KRT72: variants seen among roughly 807,000 people sequenced by gnomAD.
KRT72 encodes keratin, type II cytoskeletal 72.
A neutral mutation model predicts 44.7 loss-of-function variants in KRT72; 44 were observed. The observed-to-expected ratio is 0.98, with a 90% confidence interval of 0.77 to 1.27. The LOEUF (loss-of-function observed/expected upper bound fraction) is 1.27. Among genes scored for constraint, KRT72 ranks in the 50% most tolerant of loss-of-function variants. The pLI is 0.00. For synonymous variants in KRT72, 302 were observed against 280.4 expected (o/e 1.08, Z -0.77); for missense variants, 736 against 667.1 (o/e 1.10, Z -1.14).
At chr12:52,591,004 T>A (rs756522849) in intron 5 of KRT72, 43 bp from the exon 6 acceptor site, 1 of 1,545,656 alleles carries the variant, frequency 6.5e-7, no homozygotes, top group East Asian at 2.3e-5. Flanking sequence ...AGGATCCTAC[T>A]GAACTAGGGC....
At chr12:52,597,435 G>C (rs1940261614) in intron 2 of KRT72, among the ~76,000 whole-genome samples, 1 of 152,102 alleles carries the variant, frequency 6.6e-6, no homozygotes, top group African/African-American at 2.4e-5. Context: ...AGGACCCACA[G>C]GTGGAAGAGA....
intron 2 of KRT72, among the ~76,000 whole-genome samples, chr12:52,597,747 C>T (rs1282358396): frequency 2.0e-5 from 3 of 152,210 alleles, no homozygotes; most frequent in African/African-American, 7.2e-5. Flanking sequence ...CTTTTCAAAG[C>T]TGCTAATACA....
In KRT72 at chr12:52,585,824, G is replaced by T; in HGVS notation, c.*158C>A. ...AGCTCCTGACTGGACTCCTTGCATC[G>T]AAGCATCACACCTTGAGGACAACAG... is the stretch of plus-strand genomic sequence containing the variant. On this transcript the variant is annotated 3_prime_UTR_variant, in exon 9 of 9. Coordinates refer to ENST00000293745, the MANE Select transcript of KRT72 (RefSeq NM_080747.3). The T allele has an allele frequency of 1.4e-6, 1 of 691,102 alleles. No homozygotes were observed. 42.8% of individuals were successfully genotyped at this position (691,102 alleles called of 1,614,324 possible).
chr12:52,591,366 A>G, intron 5 of KRT72, 98 bp downstream of exon 5: 1 of 1,326,174 alleles, frequency 7.5e-7, no homozygotes, highest in Non-Finnish European at 1.0e-6. Context: ...AAATACACAC[A>G]CACACACAAA....
chr12:52,587,906 G>T, intron 6 of KRT72, 55 bp from the exon 7 acceptor site: 2 of 1,523,068 alleles, frequency 1.3e-6, no homozygotes, highest in Non-Finnish European at 1.8e-6. Context: ...CTGAGATCTT[G>T]CTTGGACAAC....
chr12:52,592,488 C>T lies in KRT72; in HGVS notation c.706G>A (p.Val236Met), dbSNP rs377500272. ...ENEFVVLKKD[V>M]DAAYMNKVEL... ...ACCTTATTCATGTAAGCAGCATCCA[C>T]GTCCTGGGAGCACATGATAGTCAAG... Residue 236 changes from valine (V) to methionine (M), a missense_variant, in exon 4 of 9, where the codon GTG becomes ATG. Physicochemically the swap from Val to Met is conservative, Grantham distance 21. Transcript: ENST00000293745. 7.3e-5 allele frequency: 118 copies of T among 1,613,712 alleles called. No individual in the cohort carries two copies. Among genetic ancestry groups the T allele is most frequent in the Non-Finnish European group, 9.0e-5 (106 of 1,179,692 alleles).
At chr12:52,600,900 A>G in intron 1 of KRT72, 127 bp downstream of exon 1, 3 of 999,284 alleles carry the variant, frequency 3.0e-6, no homozygotes. Context: ...CCCATTTTAC[A>G]AATGGAAAAG....
chr12:52,591,102 G>A, intron 5 of KRT72, 141 bp from the exon 6 acceptor site: 1 of 819,142 alleles, frequency 1.2e-6, no homozygotes, highest in African/African-American at 1.7e-5. Flanking sequence ...GGCAGAGTGT[G>A]AATTTCCTAT....
upstream of KRT72, chr12:52,601,532 C>T: frequency 7.1e-7 from 1 of 1,406,514 alleles, no homozygotes; most frequent in Non-Finnish European, 9.6e-7. Flanking sequence ...CAGCTCGCCC[C>T]TTAAATAGCC....
intron 2 of KRT72, among the ~76,000 whole-genome samples, chr12:52,595,798 G>A (rs547174999): frequency 6.6e-6 from 1 of 152,330 alleles, no homozygotes; most frequent in Admixed American, 6.5e-5. Flanking sequence ...AGAATAAGTT[G>A]TATAAGCATG....
intron 6 of KRT72, 39 bp from the exon 7 acceptor site, chr12:52,587,890 C>T: frequency 1.9e-6 from 3 of 1,582,596 alleles, no homozygotes; most frequent in Non-Finnish European, 1.7e-6. Flanking sequence ...GAGTCAGAGC[C>T]CAGTTCTGAG....
chr12:52,597,300 T>C (rs957220516), intron 2 of KRT72, among the ~76,000 whole-genome samples: 1 of 152,216 alleles, frequency 6.6e-6, no homozygotes, highest in African/African-American at 2.4e-5. Flanking sequence ...ACATATACAC[T>C]GTGCATCTTC....
At chr12:52,600,753 A>G (rs1165802089) in intron 1 of KRT72, among the ~76,000 whole-genome samples, 3 of 151,040 alleles carry the variant, frequency 2.0e-5, no homozygotes, top group African/African-American at 7.3e-5. Context: ...AGTCTCGGGT[A>G]TGTCTTTATC....
chr12:52,592,489 G>T lies in KRT72; in HGVS notation c.705C>A (p.Asp235Glu). The part of the protein sequence containing the change: ...AENEFVVLKK[D>E]VDAAYMNKVE... ...CCTTATTCATGTAAGCAGCATCCACGTCCTGGGAGCACATGATAGTCAAGC... is the reference window on the plus strand; with the variant it reads ...CCTTATTCATGTAAGCAGCATCCACTTCCTGGGAGCACATGATAGTCAAGC... The change falls in exon 4 of 9, where the codon GAC becomes GAA. Residue 235 changes from aspartate (D) to glutamate (E), a missense_variant and splice_region_variant. Physicochemically the swap from Asp to Glu is conservative, Grantham distance 45. Coordinates refer to ENST00000293745, the MANE Select transcript of KRT72 (RefSeq NM_080747.3). 1.9e-6 allele frequency: 3 copies of T among 1,613,446 alleles called. No individual in the cohort carries two copies. The highest frequency in any genetic ancestry group is 8.5e-7 in the Non-Finnish European group (1 of 1,179,566).
At chr12:52,590,624 C>T (rs937232097) in intron 6 of KRT72, among the ~76,000 whole-genome samples, 2 of 152,180 alleles carry the variant, frequency 1.3e-5, no homozygotes, top group Non-Finnish European at 1.5e-5. Context: ...TCCCTGGGGT[C>T]CTCATTCACC....
rs1476678379 is a variant in KRT72, at chr12:52,592,958, T to A, written c.642-6A>T. The stretch of plus-strand genomic sequence containing the variant: ...TGTTAATCTCCACCTCATACCTGCA[T>A]GGGGCAAGACAATGAGGTAATTCAG... On this transcript the variant is annotated splice_region_variant and splice_polypyrimidine_tract_variant and intron_variant, in intron 2 of 8. Coordinates refer to ENST00000293745, the MANE Select transcript of KRT72 (RefSeq NM_080747.3). 6.2e-7 allele frequency: 1 copy of A among 1,613,140 alleles called. No individual in the cohort carries two copies. The highest frequency in any genetic ancestry group is 1.1e-5 in the South Asian group (1 of 90,892).
upstream of KRT72, among the ~76,000 whole-genome samples, chr12:52,602,286 G>A (rs1436486773): frequency 6.6e-6 from 1 of 152,180 alleles, no homozygotes; most frequent in Non-Finnish European, 1.5e-5. Flanking sequence ...AATAGCAGAA[G>A]AGGCTTATTT....
At chr12:52,587,383 T>C (rs1410371147) in intron 7 of KRT72, among the ~76,000 whole-genome samples, 1 of 152,164 alleles carries the variant, frequency 6.6e-6, no homozygotes, top group Non-Finnish European at 1.5e-5. Context: ...AAATGCACCA[T>C]GAACGGTCGG....
intron 8 of KRT72, among the ~76,000 whole-genome samples, chr12:52,586,510 C>G (rs12814924): frequency 0.14 from 20,959 of 152,216 alleles, 1,845 homozygotes; most frequent in East Asian, 0.5. Flanking sequence ...GGCCCTGTCT[C>G]TCAGCACCAC....
Sources: gnomAD v4.1 joint callset for allele counts (sites outside exome capture counted in the v4.1 genomes callset) on GRCh38, gnomAD v4.1.1 for gene constraint, MANE v1.5 for transcripts, NCBI Gene and HGNC (gene_info 2026-07-23, HGNC 2026-07-21) for gene names.